The following BCAS3 variants were observed in gnomAD, a reference collection of about 807,000 sequenced individuals.
The protein encoded by BCAS3 is BCAS3 microtubule associated cell migration factor, also known as BCAS4/BCAS3 fusion.
A neutral mutation model predicts 116.1 loss-of-function variants in BCAS3; 53 were observed. The ratio of observed to expected loss-of-function variants is 0.46; its 90% CI spans 0.37 to 0.57. The LOEUF (loss-of-function observed/expected upper bound fraction) is 0.57, where lower values mean the gene tolerates loss of function less well. BCAS3 is among the 20% of genes least tolerant of loss of function. The pLI, the probability that BCAS3 is intolerant of heterozygous loss-of-function variation, is 0.00. For missense variants in BCAS3, 917 were observed against 1,165.4 expected, an observed-to-expected ratio of 0.79 and a Z score of 3.10; for synonymous variants, 391 against 408.2, an observed-to-expected ratio of 0.96 and a Z score of 0.51.
intron 6 of BCAS3, among the ~76,000 whole-genome samples, chr17:60,797,035 C>T (rs1002336793): frequency 6.6e-6 from 1 of 152,138 alleles, no homozygotes; most frequent in Non-Finnish European, 1.5e-5. Context: ...GCTGGGATTA[C>T]AGGTGTGTGC....
chr17:60,852,831 C>T (rs1335342971), intron 7 of BCAS3, among the ~76,000 whole-genome samples: 1 of 152,190 alleles, frequency 6.6e-6, no homozygotes, highest in African/African-American at 2.4e-5. Context: ...CAGGAATGCT[C>T]ATTTATTGCT....
chr17:60,732,264 C>G (rs115261501), intron 5 of BCAS3, among the ~76,000 whole-genome samples: 4,836 of 152,194 alleles, frequency 0.032, 244 homozygotes, highest in African/African-American at 0.11. Flanking sequence ...CTTCATTTGT[C>G]TCCATATGGT....
intron 6 of BCAS3, among the ~76,000 whole-genome samples, chr17:60,749,264 A>G (rs1366764657): frequency 6.6e-6 from 1 of 152,230 alleles, no homozygotes; most frequent in Non-Finnish European, 1.5e-5. Context: ...ATACGTGTTT[A>G]TAAGAATGTT....
intron 6 of BCAS3, 104 bp from the exon 7 acceptor site, chr17:60,807,900 T>C (rs2144622721): frequency 1.3e-6 from 1 of 761,288 alleles, no homozygotes; most frequent in African/African-American, 1.8e-5. Flanking sequence ...TGTCAACTTA[T>C]AATGAATACT....
intron 22 of BCAS3, among the ~76,000 whole-genome samples, chr17:61,262,419 C>T (rs995175119): frequency 1.7e-4 from 26 of 150,224 alleles, no homozygotes; most frequent in Non-Finnish European, 3.1e-4. Context: ...CTCACTCTTT[C>T]GCCCAGGCTG....
At chr17:60,923,171 GT>G (rs988358454) in intron 12 of BCAS3, among the ~76,000 whole-genome samples, 1 of 152,156 alleles carries the variant, frequency 6.6e-6, no homozygotes, top group African/African-American at 2.4e-5. Flanking sequence ...TATAATCAAT[GT>G]ATTTGTAGCT....
intron 6 of BCAS3, among the ~76,000 whole-genome samples, chr17:60,783,921 T>G (rs1026111309): frequency 1.3e-5 from 2 of 152,162 alleles, no homozygotes; most frequent in African/African-American, 4.8e-5. Flanking sequence ...TGGGCAGCTG[T>G]AGTGAACAAT....
At chr17:61,336,287 C>G (rs1392078088) in intron 22 of BCAS3, among the ~76,000 whole-genome samples, 1 of 152,256 alleles carries the variant, frequency 6.6e-6, no homozygotes, top group East Asian at 1.9e-4. Context: ...CATACATTAC[C>G]CTGCTCTATA....
intron 5 of BCAS3, among the ~76,000 whole-genome samples, chr17:60,743,249 G>A (rs2041746139): frequency 6.6e-6 from 1 of 151,966 alleles, no homozygotes; most frequent in Non-Finnish European, 1.5e-5. Flanking sequence ...CCATTCCCAA[G>A]GGTACATATT....
chr17:61,167,867 A>T (rs561356978), intron 22 of BCAS3, among the ~76,000 whole-genome samples: 1 of 151,946 alleles, frequency 6.6e-6, no homozygotes, highest in Non-Finnish European at 1.5e-5. Context: ...ATTCGTAGCT[A>T]TTTTCTTTTT....
chr17:60,906,142 A>G (rs2058177492), intron 11 of BCAS3, among the ~76,000 whole-genome samples: 1 of 152,158 alleles, frequency 6.6e-6, no homozygotes, highest in Non-Finnish European at 1.5e-5. Flanking sequence ...AAAAGAAATT[A>G]TTTGGGGGCT....
intron 22 of BCAS3, among the ~76,000 whole-genome samples, chr17:61,107,297 G>C (rs1601287371): frequency 6.6e-6 from 1 of 152,002 alleles, no homozygotes; most frequent in East Asian, 1.9e-4. Flanking sequence ...ATCTTGGCCA[G>C]GCTGGTCTTG....
chr17:60,816,531 C>T (rs559708321), intron 7 of BCAS3, among the ~76,000 whole-genome samples: 2 of 152,090 alleles, frequency 1.3e-5, no homozygotes, highest in African/African-American at 2.4e-5. Flanking sequence ...CCTCGGCCCC[C>T]CAAAATGCTG....
chr17:61,015,706 G>A, intron 15 of BCAS3, 45 bp from the exon 16 acceptor site: 1 of 1,599,564 alleles, frequency 6.3e-7, no homozygotes, highest in Admixed American at 1.7e-5. Flanking sequence ...ACGGGAGATA[G>A]AGAACCTTCC....
At chr17:61,288,962 T>C (rs1383156867) in intron 22 of BCAS3, among the ~76,000 whole-genome samples, 1 of 152,218 alleles carries the variant, frequency 6.6e-6, no homozygotes, top group Non-Finnish European at 1.5e-5. Flanking sequence ...ACCAATACAA[T>C]GTTTAAAATG....
chr17:61,195,876 G>T (rs2080448939), intron 22 of BCAS3, among the ~76,000 whole-genome samples: 1 of 152,198 alleles, frequency 6.6e-6, no homozygotes, highest in Admixed American at 6.5e-5. Flanking sequence ...AGAATGATCT[G>T]ACTGGCTATC....
intron 6 of BCAS3, among the ~76,000 whole-genome samples, chr17:60,789,116 A>T (rs1468267161): frequency 6.6e-6 from 1 of 152,194 alleles, no homozygotes; most frequent in Non-Finnish European, 1.5e-5. Context: ...TTTCTCAGTG[A>T]AAATTGATTA....
At chr17:60,857,421 C>G (rs866620362) in intron 7 of BCAS3, among the ~76,000 whole-genome samples, 1 of 152,136 alleles carries the variant, frequency 6.6e-6, no homozygotes, top group African/African-American at 2.4e-5. Context: ...AAACACAATC[C>G]TTTAAAAATA....
At chr17:61,173,164 T>C (rs1478204153) in intron 22 of BCAS3, among the ~76,000 whole-genome samples, 3 of 151,102 alleles carry the variant, frequency 2.0e-5, no homozygotes, top group Non-Finnish European at 4.4e-5. Flanking sequence ...AGAAATTGTT[T>C]TGAGGCTGGG....
Sources: gnomAD v4.1 joint callset for allele counts (sites outside exome capture counted in the v4.1 genomes callset) on GRCh38, gnomAD v4.1.1 for gene constraint, MANE v1.5 for transcripts, NCBI Gene and HGNC (gene_info 2026-07-23, HGNC 2026-07-21) for gene names.